RPH3AL: variants seen among roughly 807,000 people sequenced by gnomAD.
The protein encoded by RPH3AL is rab effector Noc2.
A neutral mutation model predicts 43.1 loss-of-function variants in RPH3AL; 38 were observed. The ratio of observed to expected loss-of-function variants is 0.88; its 90% CI spans 0.68 to 1.15. The LOEUF (loss-of-function observed/expected upper bound fraction) is 1.15. Ranked by LOEUF, RPH3AL falls within the 50% of genes most tolerant of loss-of-function variation. The pLI is 0.00. For missense variants in RPH3AL, 462 were observed against 423.2 expected (o/e 1.09, Z -0.81); for synonymous variants, 189 against 176.3 (o/e 1.07, Z -0.57).
intron 7 of RPH3AL, among the ~76,000 whole-genome samples, chr17:241,055 C>CAATAAT (rs57086885): frequency 0.012 from 1,780 of 143,604 alleles, 16 homozygotes; most frequent in Non-Finnish European, 0.015. Flanking sequence ...GACTCCATCT[C>CAATAAT]AATAATAATA....
At chr17:284,076 A>C (rs1307554856) in intron 5 of RPH3AL, among the ~76,000 whole-genome samples, 2 of 152,178 alleles carry the variant, frequency 1.3e-5, no homozygotes, top group Non-Finnish European at 2.9e-5. Flanking sequence ...CACTCTACAC[A>C]CGCATCGGTT....
At chr17:293,432 G>T (rs1437632050) in intron 5 of RPH3AL, among the ~76,000 whole-genome samples, 1 of 152,014 alleles carries the variant, frequency 6.6e-6, no homozygotes, top group East Asian at 1.9e-4. Context: ...GGGAAATCGG[G>T]GTATTCAGAC....
At chr17:219,896 G>A (rs891466900) in intron 7 of RPH3AL, among the ~76,000 whole-genome samples, 160 bp from the exon 8 acceptor site, 1 of 152,160 alleles carries the variant, frequency 6.6e-6, no homozygotes, top group Non-Finnish European at 1.5e-5. Context: ...GCCTGGGGAT[G>A]GGAGGACACA....
intron 7 of RPH3AL, among the ~76,000 whole-genome samples, chr17:229,984 A>G (rs2041194190): frequency 6.6e-6 from 1 of 151,942 alleles, no homozygotes; most frequent in Non-Finnish European, 1.5e-5. Flanking sequence ...TTTGCTGGCT[A>G]CCACCTGACC....
chr17:263,047 C>T (rs369246955), intron 6 of RPH3AL, among the ~76,000 whole-genome samples: 11 of 152,234 alleles, frequency 7.2e-5, no homozygotes, highest in South Asian at 6.2e-4. Context: ...CACTCTGCCA[C>T]GTGCATGAAG....
At chr17:252,927 G>C (rs2041943599) in intron 6 of RPH3AL, among the ~76,000 whole-genome samples, 1 of 152,168 alleles carries the variant, frequency 6.6e-6, no homozygotes, top group Admixed American at 6.5e-5. Context: ...ATATTCCACA[G>C]AGCGGGACTG....
At chr17:275,426 C>A (rs1346428212) in intron 6 of RPH3AL, among the ~76,000 whole-genome samples, 1 of 152,190 alleles carries the variant, frequency 6.6e-6, no homozygotes, top group East Asian at 1.9e-4. Context: ...AAAATACACA[C>A]AGATCCACCT....
chr17:350,625 G>C (rs1032726255), intron 1 of RPH3AL, among the ~76,000 whole-genome samples: 1 of 152,094 alleles, frequency 6.6e-6, no homozygotes, highest in African/African-American at 2.4e-5. Context: ...AGAAAAAAAA[G>C]TTCCAAACAC....
At position 336,962 on chromosome 17, in the gene RPH3AL, C is replaced by T. The variant is rs540750241; in HGVS notation, c.-212-3028G>A. 6.6e-5 allele frequency among the ~76,000 whole-genome samples: 10 copies of T among 152,314 alleles called. No homozygotes were observed. The East Asian group carries it at 7.7e-4, about 12-fold the overall frequency. On this transcript the variant is annotated intron_variant, in intron 1 of 9. Coordinates refer to ENST00000331302, the MANE Select transcript of RPH3AL (RefSeq NM_006987.4). Reference sequence around the variant, plus strand: ...AGGCTCCCATTCGGCTTGAGCCCACCGCCCTCCCGTCAGCATTTCATTCCG... The same window carrying T: ...AGGCTCCCATTCGGCTTGAGCCCACTGCCCTCCCGTCAGCATTTCATTCCG...
intron 5 of RPH3AL, among the ~76,000 whole-genome samples, chr17:285,936 C>T (rs186066170): frequency 1.8e-4 from 28 of 152,348 alleles, no homozygotes; most frequent in Admixed American, 7.8e-4. Flanking sequence ...GCTGAGCACC[C>T]GTGAGGGGCA....
chr17:293,890 G>A (rs181058682), intron 5 of RPH3AL, among the ~76,000 whole-genome samples: 16 of 152,194 alleles, frequency 1.1e-4, no homozygotes, highest in East Asian at 1.9e-4. Context: ...TTAGCCGGGC[G>A]CGGTGGTACT....
At chr17:267,752 C>A (rs145370903) in intron 6 of RPH3AL, among the ~76,000 whole-genome samples, 2 of 152,224 alleles carry the variant, frequency 1.3e-5, no homozygotes, top group African/African-American at 4.8e-5. Context: ...TCCCTGACCA[C>A]GTTTAGCTCT....
At chr17:317,283 G>A (rs1297016543) in intron 5 of RPH3AL, among the ~76,000 whole-genome samples, 1 of 139,946 alleles carries the variant, frequency 7.1e-6, no homozygotes, top group Admixed American at 7.3e-5. Flanking sequence ...CCATTGACCT[G>A]TAGTCTCTCT....
intron 5 of RPH3AL, among the ~76,000 whole-genome samples, chr17:314,155 G>C (rs536884900): frequency 6.6e-6 from 1 of 152,182 alleles, no homozygotes; most frequent in Admixed American, 6.5e-5. Context: ...CACCAGCAGC[G>C]GCCTCTGCAG....
rs1454718267 is a variant in RPH3AL, at chr17:314,288, A to T, written c.351+5132T>A. Among the ~76,000 whole-genome samples, 12 of 152,192 alleles carry T rather than the reference A, an allele frequency of 7.9e-5. No individual in the cohort carries two copies. The East Asian group carries it at 2.1e-3, about 27-fold the overall frequency. Reference sequence around the variant, plus strand: ...CTCTCCACAGGCCCCTATACCTGGAATATTCACAGCAGCTGTGGGGTTGAG... The same window carrying T: ...CTCTCCACAGGCCCCTATACCTGGATTATTCACAGCAGCTGTGGGGTTGAG... On this transcript the variant is annotated intron_variant, in intron 5 of 9. Transcript: ENST00000331302.
chr17:315,893 C>G (rs1555519939), intron 5 of RPH3AL, among the ~76,000 whole-genome samples: 1 of 150,576 alleles, frequency 6.6e-6, no homozygotes, highest in Non-Finnish European at 1.5e-5. Context: ...CCTGTAGTCC[C>G]TGTGACTCCA....
At chr17:231,402 G>A (rs2151514573) in intron 7 of RPH3AL, among the ~76,000 whole-genome samples, 1 of 152,346 alleles carries the variant, frequency 6.6e-6, no homozygotes, top group South Asian at 2.1e-4. Context: ...GCAGGCCAGG[G>A]CCCTGCTGCC....
rs367884524 is a variant in RPH3AL at position 322,689 on chromosome 17, G to C, written c.78-1274C>G. On this transcript the variant is annotated intron_variant, in intron 3 of 9. Coordinates refer to ENST00000331302, the MANE Select transcript of RPH3AL (RefSeq NM_006987.4). This position sits in a 1 kb window ranked among gnomAD's most constrained non-coding sequence, Gnocchi z 4.0. ...CAGGACCTAGGGCAGCAGGCTGAGG[G>C]AGGCGGACCCTTTCCTGGGGGCCCC... is the stretch of plus-strand genomic sequence containing the variant. Among the ~76,000 whole-genome samples, 11 of 152,266 alleles carry C rather than the reference G, an allele frequency of 7.2e-5. No individual in the cohort carries two copies. The highest frequency in any genetic ancestry group is 2.4e-4 in the African/African-American group (10 of 41,542).
chr17:217,044 C>G (rs1299084908), intron 8 of RPH3AL, among the ~76,000 whole-genome samples: 1 of 149,930 alleles, frequency 6.7e-6, no homozygotes, highest in African/African-American at 2.5e-5. Context: ...ATCAGGACCC[C>G]CAAGGCATTT....
Sources: gnomAD v4.1 joint callset for allele counts (sites outside exome capture counted in the v4.1 genomes callset) on GRCh38, gnomAD v4.1.1 for gene constraint, Gnocchi (gnomAD v3.1) non-coding constraint, MANE v1.5 for transcripts, NCBI Gene and HGNC (gene_info 2026-07-23, HGNC 2026-07-21) for gene names.